PRKCA: variants seen among roughly 807,000 people sequenced by gnomAD.
The protein encoded by PRKCA is protein kinase C alpha, also known as protein kinase C alpha type.
PRKCA carries 27 observed loss-of-function variants against 87.0 expected under a neutral mutation model. That is an observed-to-expected ratio of 0.31 (90% CI 0.23 to 0.43). PRKCA has a LOEUF of 0.43. Among genes scored for constraint, PRKCA ranks in the 20% least tolerant of loss-of-function variants. PRKCA has a pLI of 1.00. For missense variants in PRKCA, 518 were observed against 852.3 expected (o/e 0.61, Z 4.88); for synonymous variants, 329 against 311.1 (o/e 1.06, Z -0.61).
At chr17:66,421,709 T>G (rs945448867) in intron 2 of PRKCA, among the ~76,000 whole-genome samples, 6 of 150,852 alleles carry the variant, frequency 4.0e-5, no homozygotes, top group African/African-American at 1.5e-4. Flanking sequence ...ATTTTTTTTT[T>G]TTTTTTTTCT....
At chr17:66,321,592 G>T (rs1905666128) in intron 2 of PRKCA, among the ~76,000 whole-genome samples, 1 of 152,112 alleles carries the variant, frequency 6.6e-6, no homozygotes, top group South Asian at 2.1e-4. Flanking sequence ...CGTCTATGCT[G>T]GAGTGCAATG....
chr17:66,791,684 C>G (rs1975541265), intron 16 of PRKCA, among the ~76,000 whole-genome samples: 1 of 152,242 alleles, frequency 6.6e-6, no homozygotes, highest in African/African-American at 2.4e-5. Context: ...GAGGACTGCA[C>G]TCTGTTCAGT....
At chr17:66,629,129 C>T (rs1273172350) in intron 3 of PRKCA, among the ~76,000 whole-genome samples, 3 of 152,050 alleles carry the variant, frequency 2.0e-5, no homozygotes, top group Non-Finnish European at 2.9e-5. Context: ...GGGTGAAGTT[C>T]GGAGGTACCT....
chr17:66,379,673 A>G (rs1039902274), intron 2 of PRKCA, among the ~76,000 whole-genome samples: 2 of 152,234 alleles, frequency 1.3e-5, no homozygotes, highest in Admixed American at 6.5e-5. Flanking sequence ...GGTATCATTC[A>G]TGAAAGACTT....
At chr17:66,620,823 G>A (rs931634522) in intron 3 of PRKCA, among the ~76,000 whole-genome samples, 4 of 152,216 alleles carry the variant, frequency 2.6e-5, no homozygotes, top group Non-Finnish European at 5.9e-5. Context: ...TTCTGTGCAT[G>A]TTTTTTAAGG....
chr17:66,727,851 G>C (rs1973793991), intron 8 of PRKCA, among the ~76,000 whole-genome samples: 1 of 152,138 alleles, frequency 6.6e-6, no homozygotes, highest in East Asian at 1.9e-4. Flanking sequence ...ATCTGATCTT[G>C]CCCTGGCGCC....
rs138901644 is a variant in PRKCA at position 66,739,870 on chromosome 17, A to G, written c.1322+1015A>G. ...AAGGCACTGCAGTGGGGCTTGCACC[A>G]TCAGATTCAGTTTTTGCAGAGCTCT... On this transcript the variant is annotated intron_variant, in intron 11 of 16. Coordinates refer to ENST00000413366, the MANE Select transcript of PRKCA (RefSeq NM_002737.3). 7.2e-5 allele frequency among the ~76,000 whole-genome samples: 11 copies of G among 152,212 alleles called. No individual in the cohort carries two copies. The East Asian group carries it at 2.1e-3, about 29-fold the overall frequency.
chr17:66,711,804 T>A (rs1973336985), intron 8 of PRKCA, among the ~76,000 whole-genome samples: 1 of 152,202 alleles, frequency 6.6e-6, no homozygotes, highest in African/African-American at 2.4e-5. Context: ...CAGCATCTAA[T>A]AAATAATGTT....
intron 14 of PRKCA, among the ~76,000 whole-genome samples, chr17:66,785,880 G>C (rs937705447): frequency 1.3e-5 from 2 of 152,240 alleles, no homozygotes; most frequent in African/African-American, 4.8e-5. Context: ...CCAGGCTGGA[G>C]TGCAGTGGTG....
chr17:66,682,423 G>GA (rs1264569745), intron 5 of PRKCA, among the ~76,000 whole-genome samples: 2 of 152,270 alleles, frequency 1.3e-5, no homozygotes, highest in Non-Finnish European at 1.5e-5. Context: ...CCGTGGCACA[G>GA]ATGTATTTCC....
At chr17:66,668,205 G>C (rs892857088) in intron 5 of PRKCA, among the ~76,000 whole-genome samples, 5 of 152,198 alleles carry the variant, frequency 3.3e-5, no homozygotes, top group African/African-American at 1.2e-4. Flanking sequence ...TCTCATTTCA[G>C]AGGACCAAAA....
intron 3 of PRKCA, among the ~76,000 whole-genome samples, chr17:66,625,614 CAG>C (rs1204178211): frequency 1.3e-5 from 2 of 152,070 alleles, no homozygotes. Flanking sequence ...TTCCTGTCCT[CAG>C]GGGAAAATAG....
At chr17:66,475,187 G>A (rs1009100254) in intron 2 of PRKCA, among the ~76,000 whole-genome samples, 1 of 152,108 alleles carries the variant, frequency 6.6e-6, no homozygotes, top group African/African-American at 2.4e-5. Flanking sequence ...CCAGAGAGAG[G>A]CTGCAACCAC....
intron 13 of PRKCA, among the ~76,000 whole-genome samples, chr17:66,751,055 T>C (rs551943337): frequency 3.0e-4 from 45 of 152,308 alleles, no homozygotes; most frequent in African/African-American, 9.4e-4. Flanking sequence ...CATGCTTTAA[T>C]TAGCCCTTTA....
At chr17:66,759,912 C>T (rs1296349803) in intron 13 of PRKCA, among the ~76,000 whole-genome samples, 4 of 152,294 alleles carry the variant, frequency 2.6e-5, no homozygotes, top group Non-Finnish European at 5.9e-5. Context: ...GACAGCAGAG[C>T]ATTGAAATAC....
At chr17:66,742,338 A>C (rs1439862954) in intron 12 of PRKCA, among the ~76,000 whole-genome samples, 1 of 152,196 alleles carries the variant, frequency 6.6e-6, no homozygotes, top group Non-Finnish European at 1.5e-5. Flanking sequence ...AGACGTGCTC[A>C]ATTGGAATCT....
intron 3 of PRKCA, among the ~76,000 whole-genome samples, chr17:66,590,403 T>C (rs1165651080): frequency 1.3e-5 from 2 of 152,188 alleles, no homozygotes; most frequent in Non-Finnish European, 2.9e-5. Flanking sequence ...CTTGCTCTGC[T>C]TCACAGCCAT....
At chr17:66,656,990 G>A (rs773412308) in intron 5 of PRKCA, among the ~76,000 whole-genome samples, 1 of 152,182 alleles carries the variant, frequency 6.6e-6, no homozygotes, top group African/African-American at 2.4e-5. Context: ...GTATACACCT[G>A]CTCTGATTAT....
intron 3 of PRKCA, among the ~76,000 whole-genome samples, chr17:66,575,863 C>G (rs9897976): frequency 1.7e-3 from 263 of 152,210 alleles, no homozygotes; most frequent in African/African-American, 5.9e-3. Context: ...TGCCTGTAAT[C>G]CCAGCACTTT....
Sources: allele counts gnomAD v4.1 joint callset (sites outside exome capture counted in the v4.1 genomes callset), GRCh38; gene constraint gnomAD v4.1.1; transcripts MANE v1.5; gene names NCBI Gene and HGNC (gene_info 2026-07-23, HGNC 2026-07-21).